MACROD2: variants seen among roughly 807,000 people sequenced by gnomAD.
The protein encoded by MACROD2 is ADP-ribose glycohydrolase MACROD2.
A neutral mutation model predicts 70.4 loss-of-function variants in MACROD2; 36 were observed. The observed-to-expected ratio is 0.51, with a 90% confidence interval of 0.39 to 0.68. MACROD2 has a LOEUF of 0.68. Ranked by LOEUF, MACROD2 falls within the 30% of genes least tolerant of loss-of-function variation. The pLI is 0.00. For synonymous variants in MACROD2, 172 were observed against 178.8 expected (o/e 0.96, Z 0.30); for missense variants, 496 against 538.4 (o/e 0.92, Z 0.78).
intron 15 of MACROD2, among the ~76,000 whole-genome samples, chr20:16,036,189 C>G (rs1463414204): frequency 6.6e-6 from 1 of 151,976 alleles, no homozygotes; most frequent in Non-Finnish European, 1.5e-5. Context: ...ACCTATGCAA[C>G]TACAGATTCT....
chr20:14,396,372 T>G (rs1261556276), intron 3 of MACROD2, among the ~76,000 whole-genome samples: 1 of 152,222 alleles, frequency 6.6e-6, no homozygotes, highest in East Asian at 1.9e-4. Flanking sequence ...TAGTTTTTGC[T>G]TCATATGTTT....
intron 6 of MACROD2, among the ~76,000 whole-genome samples, chr20:15,320,604 T>C (rs564007538): frequency 5.3e-5 from 8 of 152,160 alleles, no homozygotes; most frequent in Non-Finnish European, 1.0e-4. Flanking sequence ...TTGTAGGGAT[T>C]AAATAAGATA....
intron 12 of MACROD2, among the ~76,000 whole-genome samples, chr20:15,952,263 C>T (rs1196760585): frequency 1.3e-5 from 2 of 152,112 alleles, no homozygotes; most frequent in Non-Finnish European, 2.9e-5. Context: ...CAGACTAATA[C>T]ATAATGAGAC....
chr20:15,552,555 A>C (rs2048113912), intron 8 of MACROD2: 2 of 152,206 alleles, frequency 1.3e-5, no homozygotes. Context: ...AGCTGAGTTT[A>C]CCTGCAGCCT....
At chr20:15,508,073 G>A (rs866108407) in intron 8 of MACROD2, among the ~76,000 whole-genome samples, 1 of 152,112 alleles carries the variant, frequency 6.6e-6, no homozygotes, top group Non-Finnish European at 1.5e-5. Context: ...TCCCAGTAGG[G>A]GATATCAGGC....
chr20:14,920,118 C>T (rs944209011), intron 5 of MACROD2, among the ~76,000 whole-genome samples: 1 of 152,126 alleles, frequency 6.6e-6, no homozygotes, highest in African/African-American at 2.4e-5. Flanking sequence ...GAATTAATTC[C>T]CTTTTGAGTT....
intron 3 of MACROD2, among the ~76,000 whole-genome samples, chr20:14,338,821 A>G (rs949447869): frequency 1.3e-5 from 2 of 152,192 alleles, no homozygotes; most frequent in Admixed American, 1.3e-4. Context: ...ATTTTTAATT[A>G]TGATTTTTGT....
chr20:15,228,786 C>T lies in MACROD2; in HGVS notation c.419-1154C>T, dbSNP rs149399783. 8.2e-3 allele frequency among the ~76,000 whole-genome samples: 1,243 copies of T among 152,062 alleles called. 7 individuals are homozygous for T. The highest frequency in any genetic ancestry group is 0.01 in the Non-Finnish European group (698 of 67,964). Reference sequence around the variant, plus strand: ...TACAGGCGTGGTCCACTGCACCTGGCGAGATTTTTCTTTTAGTGACTTATT... The same window carrying T: ...TACAGGCGTGGTCCACTGCACCTGGTGAGATTTTTCTTTTAGTGACTTATT... On this transcript the variant is annotated intron_variant, in intron 5 of 17. Transcript: ENST00000684519.
At chr20:15,027,141 A>T (rs2075238186) in intron 5 of MACROD2, among the ~76,000 whole-genome samples, 1 of 152,162 alleles carries the variant, frequency 6.6e-6, no homozygotes, top group South Asian at 2.1e-4. Context: ...GGGAACACAG[A>T]CACATTCAGG....
intron 8 of MACROD2, among the ~76,000 whole-genome samples, chr20:15,540,882 T>A (rs771006925): frequency 2.0e-5 from 3 of 152,184 alleles, no homozygotes; most frequent in Non-Finnish European, 2.9e-5. Flanking sequence ...TGTGTGCACA[T>A]CTGTATCCAA....
chr20:14,427,536 A>G lies in MACROD2; in HGVS notation c.272-65943A>G, dbSNP rs185584882. Among the ~76,000 whole-genome samples the G allele has an allele frequency of 2.6e-4, 39 of 151,766 alleles. No homozygotes were observed. The East Asian group carries it at 7.0e-3, about 27-fold the overall frequency. On this transcript the variant is annotated intron_variant, in intron 3 of 17. Coordinates refer to ENST00000684519, the MANE Select transcript of MACROD2 (RefSeq NM_001351661.2). ...TGATATATAATATACATGTAACATA[A>G]TATATAACATATCTCACTATATTAT...
intron 6 of MACROD2, among the ~76,000 whole-genome samples, chr20:15,402,477 T>C (rs1183688332): frequency 1.3e-5 from 2 of 152,230 alleles, no homozygotes; most frequent in African/African-American, 4.8e-5. Context: ...ATGTCTTAAA[T>C]CTGTAAAGGC....
chr20:15,338,120 A>G (rs1159549401), intron 6 of MACROD2, among the ~76,000 whole-genome samples: 1 of 151,476 alleles, frequency 6.6e-6, no homozygotes, highest in Admixed American at 6.6e-5. Flanking sequence ...TATCCAAGCA[A>G]TGCTTATTTC....
chr20:14,466,652 C>T (rs1273372860), intron 3 of MACROD2, among the ~76,000 whole-genome samples: 1 of 152,048 alleles, frequency 6.6e-6, no homozygotes, highest in Non-Finnish European at 1.5e-5. Flanking sequence ...GTTTTTTCCC[C>T]ATCTTTGTGA....
chr20:14,879,254 CAG>C (rs2073584739), intron 5 of MACROD2, among the ~76,000 whole-genome samples: 3 of 152,066 alleles, frequency 2.0e-5, no homozygotes, highest in African/African-American at 7.2e-5. Flanking sequence ...TTTACATGGA[CAG>C]AAAAAGAATG....
intron 8 of MACROD2, among the ~76,000 whole-genome samples, chr20:15,762,182 AC>A (rs1425616997): frequency 6.6e-6 from 1 of 152,234 alleles, no homozygotes; most frequent in African/African-American, 2.4e-5. Context: ...AAGTGCCATA[AC>A]TTCTTAGGAG....
intron 8 of MACROD2, among the ~76,000 whole-genome samples, chr20:15,824,859 C>T (rs1483821467): frequency 1.3e-5 from 2 of 152,114 alleles, no homozygotes; most frequent in East Asian, 1.9e-4. Flanking sequence ...AATAGACGCT[C>T]ATTAATGTTT....
At chr20:14,874,035 G>A (rs1247766840) in intron 5 of MACROD2, among the ~76,000 whole-genome samples, 4 of 152,076 alleles carry the variant, frequency 2.6e-5, no homozygotes, top group Non-Finnish European at 1.5e-5. Flanking sequence ...TCTGTTAAAA[G>A]TAAAGACGTG....
chr20:15,175,648 A>C (rs1187573513), intron 5 of MACROD2, among the ~76,000 whole-genome samples: 1 of 152,188 alleles, frequency 6.6e-6, no homozygotes, highest in Non-Finnish European at 1.5e-5. Context: ...TGGGGGATGA[A>C]ATAGAAATTT....
Sources: gnomAD v4.1 joint callset for allele counts (sites outside exome capture counted in the v4.1 genomes callset) on GRCh38, gnomAD v4.1.1 for gene constraint, MANE v1.5 for transcripts, NCBI Gene and HGNC (gene_info 2026-07-23, HGNC 2026-07-21) for gene names.